The following LIMK2 variants were observed in gnomAD, a reference collection of about 807,000 sequenced individuals.
LIMK2 encodes the protein LIM domain kinase 2.
In LIMK2, 35 loss-of-function variants were observed where a neutral mutation model predicts 75.7. The ratio of observed to expected loss-of-function variants is 0.46; its 90% CI spans 0.35 to 0.61. The LOEUF is 0.61. LIMK2 is among the 20% of genes least tolerant of loss of function. The probability of loss-of-function intolerance (pLI) is 0.00; values close to 1 mark genes in which losing one functional copy is unlikely to be tolerated. For synonymous variants in LIMK2, 301 were observed against 319.2 expected, an observed-to-expected ratio of 0.94 and a Z score of 0.61; for missense variants, 623 against 831.0, an observed-to-expected ratio of 0.75 and a Z score of 3.08.
At position 31,261,880 on chromosome 22, in the gene LIMK2, G is replaced by C. The variant is rs1277176774; in HGVS notation, c.552-254G>C. 2.6e-5 allele frequency among the ~76,000 whole-genome samples: 4 copies of C among 152,244 alleles called. No individual in the cohort carries two copies. In the East Asian group the frequency reaches 7.7e-4, roughly 29 times the overall value. ...AAGAAGGCAGAGTTCTTAGAGATGG[G>C]AGTAGGAGAGATGAGGGAACTCCAG... On this transcript the variant is annotated intron_variant, in intron 5 of 15. Coordinates refer to ENST00000331728, the MANE Select transcript of LIMK2 (RefSeq NM_005569.4).
chr22:31,249,082 G>A (rs1022957802), intron 2 of LIMK2, among the ~76,000 whole-genome samples: 1 of 152,170 alleles, frequency 6.6e-6, no homozygotes, highest in Admixed American at 6.5e-5. Context: ...TGCTTCCGGG[G>A]GGAATAGCCC....
At chr22:31,245,445 G>A (rs529095431) in intron 2 of LIMK2, among the ~76,000 whole-genome samples, 22 of 152,292 alleles carry the variant, frequency 1.4e-4, no homozygotes, top group Non-Finnish European at 1.5e-4. Context: ...GGGATTACAG[G>A]CATGTGCCAC....
At chr22:31,235,456 C>G (rs1251868930) in intron 2 of LIMK2, among the ~76,000 whole-genome samples, 1 of 152,190 alleles carries the variant, frequency 6.6e-6, no homozygotes. Flanking sequence ...AAGCTGACCC[C>G]AGGAGTCCTT....
In LIMK2 at chr22:31,267,856, C is replaced by A. The variant is rs2228619; in HGVS notation, c.1209C>A (p.Leu403=). 3.4e-5 allele frequency: 55 copies of A among 1,612,890 alleles called. No individual in the cohort carries two copies. The highest frequency in any genetic ancestry group is 1.0e-4 in the Admixed American group (6 of 59,806). Residue 403 remains leucine (L), a synonymous_variant, in exon 10 of 16, where the codon CTC becomes CTA. Transcript: ENST00000331728. ...TGTACAAGGATAAGAAGCTGAACCT[C>A]CTGACAGAGTACATTGAGGGGGGCA... ...GVLYKDKKLN[L]LTEYIEGGTL...
chr22:31,225,607 C>T (rs1423829476), intron 1 of LIMK2, 113 bp from the exon 2 acceptor site: 16 of 761,072 alleles, frequency 2.1e-5, no homozygotes, highest in Non-Finnish European at 3.4e-5. Flanking sequence ...AGAGCATTGG[C>T]CTAACCCTTT....
rs372107972 is a variant in LIMK2 at position 31,225,840 on chromosome 22, A to G, written c.116+21A>G. The stretch of plus-strand genomic sequence containing the variant: ...TTCCGGTAGGTGGGCCTATCCTCCC[A>G]TCTTTACCAGTGTACTATGGGCCAA... On this transcript the variant is annotated intron_variant, in intron 2 of 15. Coordinates refer to ENST00000331728, the MANE Select transcript of LIMK2 (RefSeq NM_005569.4). 15 of 1,564,720 alleles carry G rather than the reference A, an allele frequency of 9.6e-6. No individual in the cohort carries two copies. The African/African-American group carries it at 2.0e-4, about 21-fold the overall frequency.
chr22:31,269,286 C>CTTTTTTTTTTT (rs796361643), intron 11 of LIMK2, among the ~76,000 whole-genome samples: 22 of 95,460 alleles, frequency 2.3e-4, no homozygotes, highest in East Asian at 3.2e-4. Context: ...ATTTTTTTTT[C>CTTTTTTTTTTT]TTTTTTTTTT....
chr22:31,258,522 A>G lies in LIMK2; in HGVS notation c.252+96A>G, dbSNP rs750082748. ...GGCCTGTTAATCTTTTAGTCTTTCCATCAGCCAGGGCATCTCCCTTTATTT... is the reference window on the plus strand; with the variant it reads ...GGCCTGTTAATCTTTTAGTCTTTCCGTCAGCCAGGGCATCTCCCTTTATTT... On this transcript the variant is annotated intron_variant, in intron 3 of 15. Transcript: ENST00000331728. 5.5e-6 allele frequency: 7 copies of G among 1,270,892 alleles called. No homozygotes were observed. The Admixed American group carries it at 1.0e-4, about 19-fold the overall frequency. 78.7% of individuals were successfully genotyped at this position (1,270,892 alleles called of 1,614,324 possible).
chr22:31,216,556 C>T (rs2048390178), intron 1 of LIMK2, among the ~76,000 whole-genome samples: 1 of 152,128 alleles, frequency 6.6e-6, no homozygotes, highest in African/African-American at 2.4e-5. Flanking sequence ...GAGATGAGGT[C>T]TTAGTGGTAG....
chr22:31,240,949 A>G (rs746275714), intron 2 of LIMK2, among the ~76,000 whole-genome samples: 18 of 152,220 alleles, frequency 1.2e-4, no homozygotes, highest in Non-Finnish European at 2.2e-4. Flanking sequence ...CTCGTTTGTA[A>G]CAAGGTAATG....
chr22:31,275,755 T>C (rs977494671), intron 15 of LIMK2: 14 of 157,772 alleles, frequency 8.9e-5, no homozygotes, highest in African/African-American at 7.2e-5. Flanking sequence ...TCTGAACATA[T>C]TGTAATGTAG....
chr22:31,278,491 T>C lies in LIMK2; in HGVS notation c.*50T>C. The C allele has an allele frequency of 2.0e-6, 3 of 1,536,126 alleles. No homozygotes were observed. Among genetic ancestry groups the C allele is most frequent in the Non-Finnish European group, 2.6e-6 (3 of 1,144,494 alleles). ...GGTGTTCTACAGCCAGCATTGCCCC[T>C]CTGTGCCCCATTCCTGCTGTGAGCA... On this transcript the variant is annotated 3_prime_UTR_variant, in exon 16 of 16. Transcript: ENST00000331728.
chr22:31,228,743 C>A (rs111840250), intron 2 of LIMK2, among the ~76,000 whole-genome samples: 82 of 152,202 alleles, frequency 5.4e-4, no homozygotes, highest in African/African-American at 1.7e-3. Context: ...GAGTTTGAGA[C>A]CAGCCTGGCC....
Position 31,273,432 on chromosome 22 carries a change from G to A in LIMK2, c.1559-20G>A, listed in dbSNP as rs758523029. ...GTAAGGGATGTAAACTTAACAGTGT[G>A]CTCTCCTGTGTTCCCCAAGGAAAGA... On this transcript the variant is annotated intron_variant, in intron 13 of 15. Transcript: ENST00000331728. 1.9e-6 allele frequency: 3 copies of A among 1,609,440 alleles called. No homozygotes were observed. Among genetic ancestry groups the A allele is most frequent in the East Asian group, 2.2e-5 (1 of 44,842 alleles).
chr22:31,241,335 A>AAT (rs2048622177), intron 2 of LIMK2, among the ~76,000 whole-genome samples: 1 of 152,190 alleles, frequency 6.6e-6, no homozygotes, highest in Non-Finnish European at 1.5e-5. Flanking sequence ...CAGTTCCTAG[A>AAT]CCTGTGACCT....
intron 2 of LIMK2, among the ~76,000 whole-genome samples, chr22:31,238,016 G>A (rs1410810839): frequency 6.6e-6 from 1 of 150,440 alleles, no homozygotes; most frequent in Non-Finnish European, 1.5e-5. Context: ...TTGGGAGGCC[G>A]AGGCAGGAGA....
intron 1 of LIMK2, among the ~76,000 whole-genome samples, chr22:31,222,459 C>G (rs544094902): frequency 6.8e-6 from 1 of 146,912 alleles, no homozygotes; most frequent in South Asian, 2.2e-4. Context: ...ACTGCAACCT[C>G]CACCTCCTGG....
At chr22:31,241,893 G>C (rs898103643) in intron 2 of LIMK2, among the ~76,000 whole-genome samples, 10 of 152,176 alleles carry the variant, frequency 6.6e-5, no homozygotes, top group Non-Finnish European at 1.3e-4. Context: ...GACAAGGGAA[G>C]CCCAGAGATG....
chr22:31,219,891 A>G (rs759258610), intron 1 of LIMK2, among the ~76,000 whole-genome samples: 1 of 152,150 alleles, frequency 6.6e-6, no homozygotes, highest in Non-Finnish European at 1.5e-5. Context: ...ACTCTTAACA[A>G]TCAGTAGCCA....
Sources: gnomAD v4.1 joint callset for allele counts (sites outside exome capture counted in the v4.1 genomes callset) on GRCh38, gnomAD v4.1.1 for gene constraint, MANE v1.5 for transcripts, NCBI Gene and HGNC (gene_info 2026-07-23, HGNC 2026-07-21) for gene names.